Variants in DPP10 observed in about 807,000 individuals in gnomAD.
DPP10 encodes the protein dipeptidyl peptidase like 10.
A neutral mutation model predicts 120.9 loss-of-function variants in DPP10; 33 were observed. That is an observed-to-expected ratio of 0.27 (90% confidence interval 0.21 to 0.37). The LOEUF (loss-of-function observed/expected upper bound fraction) is 0.37, where lower values mean the gene tolerates loss of function less well. Among genes scored for constraint, DPP10 ranks in the 10% least tolerant of loss-of-function variants. DPP10 has a pLI of 1.00. For missense variants in DPP10, 816 were observed against 942.8 expected (o/e 0.87, Z 1.76); for synonymous variants, 337 against 326.1 (o/e 1.03, Z -0.36).
rs144612987 is a variant in DPP10 at position 115,382,571 on chromosome 2, C to A, written c.271+38659C>A. On this transcript the variant is annotated intron_variant, in intron 3 of 25. Coordinates refer to ENST00000410059, the MANE Select transcript of DPP10 (RefSeq NM_020868.6). ...ACTGGAGCTGTTCCTATTCGGCCAT[C>A]TTCTAATAGTCTCTTTCCAGTGCTA... is the stretch of plus-strand genomic sequence containing the variant. 2.3e-3 allele frequency among the ~76,000 whole-genome samples: 356 copies of A among 152,298 alleles called. 2 individuals carry two copies. The highest frequency in any genetic ancestry group is 8.2e-3 in the African/African-American group (341 of 41,572).
At chr2:115,337,460 A>G (rs766884247) in intron 2 of DPP10, among the ~76,000 whole-genome samples, 4 of 152,052 alleles carry the variant, frequency 2.6e-5, no homozygotes, top group Non-Finnish European at 5.9e-5. Flanking sequence ...AAGAAAACCT[A>G]AAGTCAGAGA....
intron 2 of DPP10, among the ~76,000 whole-genome samples, chr2:115,328,573 A>G (rs559630601): frequency 3.3e-4 from 50 of 152,090 alleles, no homozygotes; most frequent in Non-Finnish European, 7.1e-4. Flanking sequence ...GAGAATCCTA[A>G]GAGATGCAAG....
chr2:114,596,041 G>A (rs1691879689), intron 1 of DPP10, among the ~76,000 whole-genome samples: 1 of 152,092 alleles, frequency 6.6e-6, no homozygotes, highest in African/African-American at 2.4e-5. Flanking sequence ...GCTAAGAGGA[G>A]CTCCACTACC....
At chr2:115,095,036 A>G (rs1407945430) in intron 1 of DPP10, among the ~76,000 whole-genome samples, 2 of 152,206 alleles carry the variant, frequency 1.3e-5, no homozygotes, top group African/African-American at 4.8e-5. Flanking sequence ...TTGTTCCCGT[A>G]GTTGACCTAA....
rs566894044 is a variant in DPP10 at position 115,262,302 on chromosome 2, A to C, written c.61-46937A>C. Among the ~76,000 whole-genome samples, 87 of 152,084 alleles carry C rather than the reference A, an allele frequency of 5.7e-4. 1 individual carries two copies. Among genetic ancestry groups the C allele is most frequent in the Middle Eastern group, 3.4e-3 (1 of 294 alleles). ...TGTCATCAGTAGCTCCCATTTTTTA[A>C]AGACTTCTATCTCTATATTCAATAA... On this transcript the variant is annotated intron_variant, in intron 1 of 25. Coordinates refer to ENST00000410059, the MANE Select transcript of DPP10 (RefSeq NM_020868.6).
At chr2:115,601,039 C>T (rs751451870) in intron 5 of DPP10, among the ~76,000 whole-genome samples, 1 of 152,092 alleles carries the variant, frequency 6.6e-6, no homozygotes, top group Admixed American at 6.5e-5. Context: ...TGCCTATTCA[C>T]CTGCTTATCA....
At chr2:115,605,878 T>C (rs1412960969) in intron 5 of DPP10, among the ~76,000 whole-genome samples, 2 of 152,030 alleles carry the variant, frequency 1.3e-5, no homozygotes, top group Non-Finnish European at 2.9e-5. Flanking sequence ...AAATAAACTT[T>C]AACAAGTTAT....
chr2:115,768,493 A>G (rs1681071046), intron 13 of DPP10, 89 bp downstream of exon 13: 5 of 1,161,948 alleles, frequency 4.3e-6, no homozygotes, highest in Non-Finnish European at 6.2e-6. Context: ...CCTCTAGTTC[A>G]TGGTGGTGAA....
chr2:115,830,374 A>AT (rs1380535638), intron 21 of DPP10, among the ~76,000 whole-genome samples: 4 of 152,046 alleles, frequency 2.6e-5, no homozygotes, highest in Non-Finnish European at 5.9e-5. Context: ...AAAAAAAAAA[A>AT]AAAATTATCA....
intron 5 of DPP10, among the ~76,000 whole-genome samples, chr2:115,646,052 T>TCA (rs529521349): frequency 1.3e-5 from 2 of 151,718 alleles, no homozygotes; most frequent in East Asian, 1.9e-4. Flanking sequence ...TCACTTCCCA[T>TCA]CACACACACA....
At chr2:114,960,117 T>G (rs1182143484) in intron 1 of DPP10, among the ~76,000 whole-genome samples, 1 of 152,142 alleles carries the variant, frequency 6.6e-6, no homozygotes, top group Non-Finnish European at 1.5e-5. Context: ...TTACTGATAC[T>G]ACTATTTGAA....
intron 1 of DPP10, among the ~76,000 whole-genome samples, chr2:115,199,242 A>C (rs6726824): frequency 0.027 from 4,113 of 152,192 alleles, 127 homozygotes; most frequent in African/African-American, 0.074. Context: ...ATGATAAAAA[A>C]CAGCCACACT....
chr2:115,166,399 A>G (rs1266900434), intron 1 of DPP10, among the ~76,000 whole-genome samples: 4 of 150,304 alleles, frequency 2.7e-5, no homozygotes. Context: ...TATAAAAGAT[A>G]ATATACATTA....
intron 1 of DPP10, among the ~76,000 whole-genome samples, chr2:114,777,327 C>G (rs1249771185): frequency 6.6e-6 from 1 of 152,018 alleles, no homozygotes; most frequent in Non-Finnish European, 1.5e-5. Context: ...TTTGAACTGC[C>G]CATGGATTTT....
At chr2:114,789,475 G>A (rs1683061005) in intron 1 of DPP10, among the ~76,000 whole-genome samples, 1 of 152,178 alleles carries the variant, frequency 6.6e-6, no homozygotes, top group Non-Finnish European at 1.5e-5. Context: ...TTCTAGAACT[G>A]TGGAGGAGTT....
chr2:115,535,037 G>A (rs1488548644), intron 5 of DPP10, among the ~76,000 whole-genome samples: 25 of 148,056 alleles, frequency 1.7e-4, no homozygotes, highest in Non-Finnish European at 2.3e-4. Flanking sequence ...AGTAGGTTGC[G>A]AAAATTTTCT....
At chr2:114,828,330 T>G (rs1686750251) in intron 1 of DPP10, 1 of 152,242 alleles carries the variant, frequency 6.6e-6, no homozygotes, top group Non-Finnish European at 1.5e-5. Context: ...TACAATTATA[T>G]AATTCAACAT....
intron 1 of DPP10, among the ~76,000 whole-genome samples, chr2:114,895,527 C>T (rs552723739): frequency 2.7e-4 from 41 of 152,308 alleles, no homozygotes; most frequent in Non-Finnish European, 4.3e-4. Flanking sequence ...CTCCTCATAT[C>T]CTGGGCAGAT....
chr2:115,024,818 G>A (rs1003253351), intron 1 of DPP10, among the ~76,000 whole-genome samples: 4 of 145,888 alleles, frequency 2.7e-5, no homozygotes, highest in Non-Finnish European at 4.5e-5. Context: ...TATGTTTAAG[G>A]CTGTATGGCC....
Sources: allele counts gnomAD v4.1 joint callset (sites outside exome capture counted in the v4.1 genomes callset), GRCh38; gene constraint gnomAD v4.1.1; transcripts MANE v1.5; gene names NCBI Gene and HGNC (gene_info 2026-07-23, HGNC 2026-07-21).